Variants in NWD1 observed in about 807,000 individuals in gnomAD.
The protein encoded by NWD1 is NACHT and WD repeat domain containing 1.
NWD1 carries 129 observed loss-of-function variants against 135.1 expected under a neutral mutation model. The observed-to-expected ratio is 0.96, with a 90% CI of 0.83 to 1.11. NWD1 has a LOEUF of 1.11. NWD1 is among the 50% of genes least tolerant of loss of function. NWD1 has a pLI of 0.00. For missense variants in NWD1, 1,740 were observed against 1,851.3 expected, an observed-to-expected ratio of 0.94 and a Z score of 1.10; for synonymous variants, 773 against 786.0, an observed-to-expected ratio of 0.98 and a Z score of 0.28.
intron 4 of NWD1, among the ~76,000 whole-genome samples, chr19:16,739,329 C>CAAAAAA (rs67106916): frequency 1.3e-5 from 1 of 78,966 alleles, no homozygotes; most frequent in Non-Finnish European, 2.4e-5. Flanking sequence ...CTATCTCTAC[C>CAAAAAA]AAAAAAAAAA....
intron 5 of NWD1, among the ~76,000 whole-genome samples, chr19:16,745,645 CAGG>C (rs1482443798): frequency 6.6e-6 from 1 of 150,846 alleles, no homozygotes; most frequent in African/African-American, 2.4e-5. Flanking sequence ...GAGGCTGAGG[CAGG>C]AGGATTGCTT....
At chr19:16,772,236 G>A (rs770736270) in intron 10 of NWD1, among the ~76,000 whole-genome samples, 1 of 152,136 alleles carries the variant, frequency 6.6e-6, no homozygotes, top group Non-Finnish European at 1.5e-5. Context: ...GTGGTGACGT[G>A]CATCTGCAGT....
chr19:16,723,122 C>A (rs1339746419), intron 1 of NWD1, among the ~76,000 whole-genome samples: 3 of 152,104 alleles, frequency 2.0e-5, no homozygotes, highest in Non-Finnish European at 2.9e-5. Flanking sequence ...CAGCCTCAAC[C>A]TCCTGCGCTC....
chr19:16,730,982 G>A (rs553627072), intron 2 of NWD1, among the ~76,000 whole-genome samples: 8 of 144,254 alleles, frequency 5.5e-5, no homozygotes, highest in Non-Finnish European at 8.9e-5. Flanking sequence ...AGTGGCTCAC[G>A]CCTGTAATCC....
At chr19:16,791,192 C>T (rs1970232623) in intron 13 of NWD1, among the ~76,000 whole-genome samples, 158 bp from the exon 14 acceptor site, 1 of 152,122 alleles carries the variant, frequency 6.6e-6, no homozygotes, top group East Asian at 1.9e-4. Flanking sequence ...CATGATTGCA[C>T]CACTGCACTC....
intron 17 of NWD1, 141 bp from the exon 18 acceptor site, chr19:16,807,445 A>G: frequency 1.6e-6 from 1 of 627,276 alleles, no homozygotes; most frequent in South Asian, 2.7e-5. Context: ...GTGACCTGAG[A>G]TCGTGCTATT....
chr19:16,780,232 T>C (rs578095112), intron 12 of NWD1, among the ~76,000 whole-genome samples: 1 of 151,520 alleles, frequency 6.6e-6, no homozygotes, highest in South Asian at 2.1e-4. Flanking sequence ...CTCGGCTCAC[T>C]GTAAGCTCTG....
At position 16,815,348 on chromosome 19, in the gene NWD1, A is replaced by T; in HGVS notation, c.*309A>T. The T allele has an allele frequency of 2.8e-6, 2 of 719,982 alleles. No homozygotes were observed. Among genetic ancestry groups the T allele is most frequent in the Non-Finnish European group, 5.1e-6 (2 of 392,522 alleles). 44.6% of individuals were successfully genotyped at this position (719,982 alleles called of 1,614,324 possible). A position where few individuals can be genotyped will look rare whatever the true frequency, so the allele number is the denominator to read the frequency against. On this transcript the variant is annotated 3_prime_UTR_variant, in exon 19 of 19. Coordinates refer to ENST00000524140, the MANE Select transcript of NWD1 (RefSeq NM_001007525.5). ...AGTGTAAAAAAATAAAAATAAAAAAACCCTGTGGGGGTATGGGGCTCCAGT... is the reference window on the plus strand; with the variant it reads ...AGTGTAAAAAAATAAAAATAAAAAATCCCTGTGGGGGTATGGGGCTCCAGT...
intron 18 of NWD1, among the ~76,000 whole-genome samples, chr19:16,811,841 C>T (rs1424710667): frequency 6.6e-6 from 1 of 152,026 alleles, no homozygotes; most frequent in Non-Finnish European, 1.5e-5. Context: ...CATGATGAAA[C>T]CCCTTCTCTA....
At chr19:16,773,544 G>A (rs183308399) in intron 11 of NWD1, among the ~76,000 whole-genome samples, 3 of 152,216 alleles carry the variant, frequency 2.0e-5, no homozygotes, top group Admixed American at 6.5e-5. Flanking sequence ...TAATGAGCCC[G>A]ATGCTAGGGG....
In NWD1 at chr19:16,762,154, C is replaced by T. The variant is rs760570640; in HGVS notation, c.2133+16C>T. On this transcript the variant is annotated intron_variant, in intron 8 of 18. Coordinates refer to ENST00000524140, the MANE Select transcript of NWD1 (RefSeq NM_001007525.5). ...GGACCGAAAGGTGAGGTACCTGGGA[C>T]CCCCATTCCCCACCTGCAACCTCCA... The T allele has an allele frequency of 2.5e-6, 4 of 1,606,186 alleles. No homozygotes were observed. In the East Asian group the frequency reaches 6.7e-5, roughly 27 times the overall value.
intron 10 of NWD1, among the ~76,000 whole-genome samples, chr19:16,771,027 C>T (rs969724180): frequency 1.3e-5 from 2 of 152,030 alleles, no homozygotes; most frequent in Non-Finnish European, 2.9e-5. Flanking sequence ...GGGCCGAGTG[C>T]GGGGGTTCAC....
At chr19:16,760,329 G>T (rs1028464795) in intron 7 of NWD1, among the ~76,000 whole-genome samples, 2 of 150,712 alleles carry the variant, frequency 1.3e-5, no homozygotes, top group Non-Finnish European at 2.9e-5. Flanking sequence ...TGTCATCATG[G>T]CTCACTGCAG....
At chr19:16,731,701 T>G (rs556590438) in intron 3 of NWD1, among the ~76,000 whole-genome samples, 1 of 149,648 alleles carries the variant, frequency 6.7e-6, no homozygotes, top group South Asian at 2.1e-4. Context: ...GCCTCCAGGG[T>G]TCAAGCGATT....
At chr19:16,745,765 A>G (rs1182308879) in intron 5 of NWD1, among the ~76,000 whole-genome samples, 2 of 151,040 alleles carry the variant, frequency 1.3e-5, no homozygotes, top group Non-Finnish European at 2.9e-5. Flanking sequence ...AACAAAAACA[A>G]AATTAGCTAG....
chr19:16,798,989 G>T (rs1354235088), intron 16 of NWD1, among the ~76,000 whole-genome samples: 1 of 150,210 alleles, frequency 6.7e-6, no homozygotes, highest in Non-Finnish European at 1.5e-5. Flanking sequence ...CTCTAAAAAA[G>T]GTTTACAGGG....
At chr19:16,792,579 G>A (rs998728994) in intron 14 of NWD1, among the ~76,000 whole-genome samples, 4 of 152,176 alleles carry the variant, frequency 2.6e-5, no homozygotes, top group South Asian at 2.1e-4. Context: ...CTACTTGGGA[G>A]GCTGAGGCAG....
At chr19:16,741,534 T>A (rs959936107) in intron 4 of NWD1, among the ~76,000 whole-genome samples, 2 of 151,542 alleles carry the variant, frequency 1.3e-5, no homozygotes, top group Non-Finnish European at 2.9e-5. Context: ...CCCGGCTAAT[T>A]ATTTTTATAT....
chr19:16,789,101 G>T lies in NWD1; in HGVS notation c.2851G>T (p.Gly951Ter). 6.2e-7 allele frequency: 1 copy of T among 1,613,864 alleles called. No individual in the cohort carries two copies. Among genetic ancestry groups the T allele is most frequent in the Non-Finnish European group, 8.5e-7 (1 of 1,179,860 alleles). The change falls in exon 13 of 19, where the codon GGA (glycine) becomes TGA (stop). Residue 951 changes from glycine (G) to a stop codon, truncating the protein, a stop_gained. Transcript: ENST00000524140. LOFTEE classifies it high-confidence loss of function. ...SGQEKFTIWD[G>*]GSKNPAEPQI... ...CCAGGAGAAATTTACCATTTGGGATGGAGGCTCAAAAAATCCCGCTGAACC... is the reference window on the plus strand; with the variant it reads ...CCAGGAGAAATTTACCATTTGGGATTGAGGCTCAAAAAATCCCGCTGAACC...
Sources: gnomAD v4.1 joint callset for allele counts (sites outside exome capture counted in the v4.1 genomes callset) on GRCh38, gnomAD v4.1.1 for gene constraint, MANE v1.5 for transcripts, NCBI Gene and HGNC (gene_info 2026-07-23, HGNC 2026-07-21) for gene names.